OSBPL10: variants seen among roughly 807,000 people sequenced by gnomAD.
OSBPL10 encodes oxysterol-binding protein-related protein 10.
A neutral mutation model predicts 81.7 loss-of-function variants in OSBPL10; 49 were observed. The observed-to-expected ratio is 0.60, with a 90% CI of 0.48 to 0.76. OSBPL10 has a LOEUF of 0.76. Ranked by LOEUF, OSBPL10 falls within the 30% of genes least tolerant of loss-of-function variation. The pLI is 0.00. For synonymous variants in OSBPL10, 419 were observed against 383.6 expected (o/e 1.09, Z -1.08); for missense variants, 923 against 987.8 (o/e 0.93, Z 0.88).
intron 3 of OSBPL10, among the ~76,000 whole-genome samples, chr3:31,876,062 T>G (rs1276531318): frequency 2.0e-5 from 3 of 152,122 alleles, no homozygotes; most frequent in Non-Finnish European, 2.9e-5. Flanking sequence ...GTCTAGGTTT[T>G]ATTTAAGGAT....
At chr3:32,001,225 C>T (rs773977887) in intron 2 of OSBPL10, among the ~76,000 whole-genome samples, 22 of 152,134 alleles carry the variant, frequency 1.4e-4, no homozygotes, top group Non-Finnish European at 2.4e-4. Context: ...GAGAGGCAAA[C>T]ATTCATTCAG....
chr3:31,837,396 A>G (rs1700387474), intron 3 of OSBPL10, among the ~76,000 whole-genome samples: 1 of 136,704 alleles, frequency 7.3e-6, no homozygotes, highest in African/African-American at 2.7e-5. Context: ...TAACACAGAG[A>G]CCTTTAAATG....
At chr3:31,839,393 A>G (rs549257102) in intron 3 of OSBPL10, among the ~76,000 whole-genome samples, 13 of 152,320 alleles carry the variant, frequency 8.5e-5, no homozygotes, top group African/African-American at 3.1e-4. Flanking sequence ...ACAAAGTACA[A>G]CAATAAGCAA....
chr3:32,026,056 A>ATGAT (rs766758050), intron 2 of OSBPL10, among the ~76,000 whole-genome samples: 25 of 104,310 alleles, frequency 2.4e-4, no homozygotes, highest in Non-Finnish European at 3.7e-4. Flanking sequence ...AGATAGATAG[A>ATGAT]TGATAGATAG....
intron 2 of OSBPL10, among the ~76,000 whole-genome samples, chr3:32,041,457 C>T (rs1228538582): frequency 6.6e-6 from 1 of 152,078 alleles, no homozygotes; most frequent in South Asian, 2.1e-4. Flanking sequence ...GCTGGAAACA[C>T]CCCGTGAGGT....
At chr3:31,737,934 G>A (rs140667605) in intron 5 of OSBPL10, among the ~76,000 whole-genome samples, 324 of 151,858 alleles carry the variant, frequency 2.1e-3, no homozygotes, top group African/African-American at 7.2e-3. Flanking sequence ...AGAGGTTGCA[G>A]TGAGCCGAGA....
At chr3:31,972,992 C>G (rs577025826) in intron 1 of OSBPL10, among the ~76,000 whole-genome samples, 3 of 152,240 alleles carry the variant, frequency 2.0e-5, no homozygotes, top group South Asian at 4.2e-4. Context: ...AAAGCATTTT[C>G]TGGGCTGTGA....
At chr3:31,910,130 C>T (rs564602196) in intron 1 of OSBPL10, among the ~76,000 whole-genome samples, 2 of 151,912 alleles carry the variant, frequency 1.3e-5, no homozygotes, top group South Asian at 2.1e-4. Context: ...TGCAGGAACA[C>T]GCCACCATGC....
At chr3:31,742,245 G>A (rs915460084) in intron 5 of OSBPL10, among the ~76,000 whole-genome samples, 3 of 152,178 alleles carry the variant, frequency 2.0e-5, no homozygotes, top group South Asian at 2.1e-4. Context: ...CCGGAAAAAC[G>A]TAAAGTACCG....
chr3:31,994,727 C>A (rs553730995), intron 2 of OSBPL10, among the ~76,000 whole-genome samples: 3 of 152,180 alleles, frequency 2.0e-5, no homozygotes, highest in Non-Finnish European at 4.4e-5. Context: ...AGATATGTTA[C>A]TGCCAAAGGA....
chr3:32,055,918 G>A (rs542345714), intron 1 of OSBPL10, among the ~76,000 whole-genome samples: 119 of 152,280 alleles, frequency 7.8e-4, no homozygotes, highest in Admixed American at 1.5e-3. Context: ...GGTTGTATGT[G>A]TAAACCCATG....
upstream of OSBPL10, chr3:31,981,674 G>C (rs1434459330): frequency 6.5e-6 from 1 of 153,028 alleles, no homozygotes; most frequent in African/African-American, 2.4e-5. This position sits in a 1 kb window ranked among gnomAD's most constrained non-coding sequence, Gnocchi z 4.5. Flanking sequence ...TATCCACCTC[G>C]GGACCTGGAG....
At chr3:31,731,614 A>T (rs1359096250) in intron 6 of OSBPL10, among the ~76,000 whole-genome samples, 1 of 151,450 alleles carries the variant, frequency 6.6e-6, no homozygotes, top group African/African-American at 2.4e-5. Context: ...TCAGCCTCCC[A>T]AGTAGCTGGG....
upstream of OSBPL10, among the ~76,000 whole-genome samples, chr3:31,982,757 T>C (rs751388796): frequency 3.3e-5 from 5 of 152,268 alleles, no homozygotes; most frequent in African/African-American, 9.6e-5. Flanking sequence ...AGCCTTAGTT[T>C]TCTCACTGCA....
chr3:31,905,345 A>ATTTGTTTTTTTTTTTTTTTTTTTT, intron 1 of OSBPL10, among the ~76,000 whole-genome samples: 1 of 94,860 alleles, frequency 1.1e-5, no homozygotes, highest in Non-Finnish European at 1.9e-5. Flanking sequence ...GAACCTGGTG[A>ATTTGTTTTTTTTTTTTTTTTTTTT]TTTTTTTTTT....
At chr3:31,699,518 A>C (rs1299762566) in intron 7 of OSBPL10, among the ~76,000 whole-genome samples, 1 of 152,240 alleles carries the variant, frequency 6.6e-6, no homozygotes, top group Non-Finnish European at 1.5e-5. Flanking sequence ...AGGGCAGACA[A>C]GGGTGCTTCT....
chr3:31,716,255 A>G (rs1005175890), intron 6 of OSBPL10, among the ~76,000 whole-genome samples: 1 of 152,174 alleles, frequency 6.6e-6, no homozygotes, highest in African/African-American at 2.4e-5. Context: ...CAATATACAA[A>G]TCTTATTGTA....
intron 7 of OSBPL10, among the ~76,000 whole-genome samples, chr3:31,688,743 A>G (rs575908956): frequency 1.3e-5 from 2 of 152,348 alleles, no homozygotes; most frequent in South Asian, 4.1e-4. Flanking sequence ...GAATATTCAC[A>G]TACATACCAA....
chr3:31,980,814 TACACAGACACACATACACA>T, intron 1 of OSBPL10, 66 bp downstream of exon 1: 1 of 1,407,580 alleles, frequency 7.1e-7, no homozygotes, highest in Admixed American at 3.0e-5. Context: ...CGCACACACA[TACACAGACACACATACACA>T]CACGCACGCA....
Sources: gnomAD v4.1 joint callset for allele counts (sites outside exome capture counted in the v4.1 genomes callset) on GRCh38, gnomAD v4.1.1 for gene constraint, Gnocchi (gnomAD v3.1) non-coding constraint, MANE v1.5 for transcripts, NCBI Gene and HGNC (gene_info 2026-07-23, HGNC 2026-07-21) for gene names.